The following AFMID variants were observed in gnomAD, a reference collection of about 807,000 sequenced individuals.
AFMID encodes the protein kynurenine formamidase.
A neutral mutation model predicts 47.5 loss-of-function variants in AFMID; 39 were observed. That is an observed-to-expected ratio of 0.82 (90% CI 0.64 to 1.07). AFMID has a LOEUF of 1.07. AFMID is among the 50% of genes least tolerant of loss of function. The pLI, the probability that AFMID is intolerant of heterozygous loss-of-function variation, is 0.00. For missense variants in AFMID, 375 were observed against 387.5 expected (o/e 0.97, Z 0.27); for synonymous variants, 130 against 153.2 (o/e 0.85, Z 1.12).
intron 1 of AFMID, among the ~76,000 whole-genome samples, chr17:78,189,387 T>C (rs987955500): frequency 3.3e-5 from 5 of 151,112 alleles, no homozygotes; most frequent in Non-Finnish European, 7.4e-5. Flanking sequence ...CATGCCCAGC[T>C]AATTTTTGTA....
intron 2 of AFMID, among the ~76,000 whole-genome samples, chr17:78,201,514 G>A (rs570725150): frequency 5.7e-4 from 87 of 152,192 alleles, no homozygotes; most frequent in Admixed American, 2.2e-3. Flanking sequence ...AGCTACTCAG[G>A]AGGCTGAGGC....
intron 9 of AFMID, 40 bp downstream of exon 9, chr17:78,205,778 A>C (rs1274671595): frequency 6.2e-7 from 1 of 1,604,108 alleles, no homozygotes; most frequent in Non-Finnish European, 8.5e-7. Flanking sequence ...GTCGAGGGTC[A>C]TGTGGGCTCA....
At chr17:78,200,434 G>T (rs926187597) in intron 2 of AFMID, among the ~76,000 whole-genome samples, 22 of 152,222 alleles carry the variant, frequency 1.4e-4, no homozygotes, top group African/African-American at 4.6e-4. Flanking sequence ...TGGGATTGCA[G>T]GTTCCCGGTT....
In AFMID at chr17:78,197,746, C is replaced by T. The variant is rs200774351; in HGVS notation, c.155-4753C>T. On this transcript the variant is annotated intron_variant, in intron 2 of 10. Coordinates refer to ENST00000409257, the MANE Select transcript of AFMID (RefSeq NM_001010982.5). ...AAAGGGTATCCAACCAGAGTGGTCT[C>T]AGTGCAGATGGGGAGGAGACTCTAG... Among the ~76,000 whole-genome samples the T allele has an allele frequency of 3.3e-5, 5 of 152,010 alleles. No individual in the cohort carries two copies. The East Asian group carries it at 9.7e-4, about 30-fold the overall frequency.
chr17:78,205,936 C>T lies in AFMID; in HGVS notation c.781-10C>T, dbSNP rs745685881. ...GCTCAGGCCCCTCTTCCCATGTCTC[C>T]CCTGCCCAGACCCTGTGTCAAGGAG... On this transcript the variant is annotated splice_polypyrimidine_tract_variant and intron_variant, in intron 9 of 10. Coordinates refer to ENST00000409257, the MANE Select transcript of AFMID (RefSeq NM_001010982.5). The T allele has an allele frequency of 2.8e-5, 45 of 1,612,620 alleles. No individual in the cohort carries two copies. In the Middle Eastern group the frequency reaches 6.6e-4, roughly 24 times the overall value.
Position 78,207,004 on chromosome 17 carries a change from G to A in AFMID, c.*67G>A, listed in dbSNP as rs373091855. On this transcript the variant is annotated 3_prime_UTR_variant, in exon 11 of 11. Transcript: ENST00000409257. ...TGGGAAGCCTCTCCAAAGAGCTTTC[G>A]GAGCTGACACTGACAGCTTCAGTTT... The A allele has an allele frequency of 8.2e-5, 126 of 1,542,608 alleles. No individual in the cohort carries two copies. The African/African-American group carries it at 1.2e-3, about 15-fold the overall frequency.
chr17:78,191,432 G>A (rs891648740), intron 2 of AFMID, among the ~76,000 whole-genome samples: 1 of 152,086 alleles, frequency 6.6e-6, no homozygotes, highest in African/African-American at 2.4e-5. Flanking sequence ...TTCCTAAAAA[G>A]CAATACTTTG....
intron 10 of AFMID, 135 bp from the exon 11 acceptor site, chr17:78,206,772 TCTTC>T: frequency 1.2e-6 from 1 of 809,190 alleles, no homozygotes; most frequent in Non-Finnish European, 2.1e-6. Context: ...GTTCAAGTGA[TCTTC>T]CCACCTCAGC....
Position 78,190,995 on chromosome 17 carries a change from G to A in AFMID, c.89G>A (p.Ser30Asn). The change falls in exon 2 of 11, where the codon AGC becomes AAC. Residue 30 changes from serine to asparagine, a missense_variant. Physicochemically the swap from Ser to Asn is conservative, Grantham distance 46. Coordinates refer to ENST00000409257, the MANE Select transcript of AFMID (RefSeq NM_001010982.5). ...GAGCTGGAGAATCAGTACTGTCCCA[G>A]CCGATGGGTTGTCCGACTGGGAGCA... is the stretch of plus-strand genomic sequence containing the variant. ...AEELENQYCPSRWVVRLGAEE... is the reference protein window; with the variant it reads ...AEELENQYCPNRWVVRLGAEE... 6.2e-7 allele frequency: 1 copy of A among 1,614,032 alleles called. No individual in the cohort carries two copies. The highest frequency in any genetic ancestry group is 8.5e-7 in the Non-Finnish European group (1 of 1,180,004).
chr17:78,201,991 G>A (rs374710907), intron 2 of AFMID, among the ~76,000 whole-genome samples: 5 of 151,330 alleles, frequency 3.3e-5, no homozygotes, highest in Non-Finnish European at 5.9e-5. Flanking sequence ...CGGCCTCCCA[G>A]AGTGCTGGGA....
intron 2 of AFMID, among the ~76,000 whole-genome samples, chr17:78,201,210 C>G (rs1340641707): frequency 2.7e-5 from 4 of 150,238 alleles, no homozygotes; most frequent in African/African-American, 9.8e-5. Context: ...ACGAGAATTG[C>G]TGGAACCCAG....
At chr17:78,195,342 G>T (rs2076083964) in intron 2 of AFMID, among the ~76,000 whole-genome samples, 1 of 151,754 alleles carries the variant, frequency 6.6e-6, no homozygotes, top group African/African-American at 2.4e-5. Flanking sequence ...TTGCAGATGT[G>T]CACCACCACG....
Position 78,193,227 on chromosome 17 carries a change from C to T in AFMID, c.154+2167C>T, listed in dbSNP as rs367990328. Among the ~76,000 whole-genome samples, 174 of 151,832 alleles carry T rather than the reference C, an allele frequency of 1.1e-3. 3 individuals carry two copies. Among genetic ancestry groups the T allele is most frequent in the South Asian group, 5.2e-3 (25 of 4,788 alleles). ...TCTACTAAAAATATAAAAAATTAGC[C>T]AGGCATGGTGGCGGGCGCCTCTAGT... On this transcript the variant is annotated intron_variant, in intron 2 of 10. Coordinates refer to ENST00000409257, the MANE Select transcript of AFMID (RefSeq NM_001010982.5).
At chr17:78,205,316 G>A (rs2076349684) in intron 7 of AFMID, 124 bp from the exon 8 acceptor site, 1 of 1,433,508 alleles carries the variant, frequency 7.0e-7, no homozygotes, top group East Asian at 2.3e-5. Flanking sequence ...AGCCCTCTGA[G>A]CAAGGCCTTC....
At chr17:78,198,767 C>CCAG (rs2076175011) in intron 2 of AFMID, among the ~76,000 whole-genome samples, 2 of 152,046 alleles carry the variant, frequency 1.3e-5, no homozygotes, top group South Asian at 4.2e-4. Flanking sequence ...CAAGATTGCA[C>CCAG]CAGTGGGCTC....
chr17:78,196,497 G>A (rs1475868105), intron 2 of AFMID, among the ~76,000 whole-genome samples: 1 of 151,996 alleles, frequency 6.6e-6, no homozygotes, highest in Non-Finnish European at 1.5e-5. Context: ...TGGCCAACAC[G>A]ACAAAACACC....
intron 2 of AFMID, chr17:78,197,178 CCTT>C (rs2076136132): frequency 2.1e-5 from 33 of 1,550,562 alleles, no homozygotes; most frequent in Non-Finnish European, 2.9e-5. Flanking sequence ...TAAATCACGA[CCTT>C]CTGATGAAGC....
At chr17:78,203,055 C>CTTTTTT (rs56016227) in intron 4 of AFMID, 9 of 111,138 alleles carry the variant, frequency 8.1e-5, no homozygotes, top group South Asian at 1.3e-4. Context: ...CTTCCTCTCT[C>CTTTTTT]TTTTTTTTTT....
intron 2 of AFMID, among the ~76,000 whole-genome samples, chr17:78,191,533 A>G (rs1479110810): frequency 1.3e-5 from 2 of 152,050 alleles, no homozygotes; most frequent in African/African-American, 2.4e-5. Flanking sequence ...AAAAATACAA[A>G]AATTAGCTGG....
Sources: gnomAD v4.1 joint callset for allele counts (sites outside exome capture counted in the v4.1 genomes callset) on GRCh38, gnomAD v4.1.1 for gene constraint, MANE v1.5 for transcripts, NCBI Gene and HGNC (gene_info 2026-07-23, HGNC 2026-07-21) for gene names.